EPB41L2: variants seen among roughly 807,000 people sequenced by gnomAD.
EPB41L2 encodes erythrocyte membrane protein band 4.1 like 2, also known as band 4.1-like protein 2.
Under a neutral mutation model 113.0 loss-of-function variants are expected in EPB41L2, and 43 were observed. The observed-to-expected ratio is 0.38, with a 90% CI of 0.30 to 0.49. EPB41L2 has a LOEUF of 0.49. Among genes scored for constraint, EPB41L2 ranks in the 20% least tolerant of loss-of-function variants. The probability of loss-of-function intolerance (pLI) is 0.95; values close to 1 mark genes in which losing one functional copy is unlikely to be tolerated. For synonymous variants in EPB41L2, 442 were observed against 436.7 expected, an observed-to-expected ratio of 1.01 and a Z score of -0.15; for missense variants, 1,147 against 1,223.4, an observed-to-expected ratio of 0.94 and a Z score of 0.93.
intron 1 of EPB41L2, among the ~76,000 whole-genome samples, chr6:130,981,028 A>T (rs1779273136): frequency 6.6e-6 from 1 of 152,186 alleles, no homozygotes; most frequent in African/African-American, 2.4e-5. Context: ...AAAGGAAAAA[A>T]ACTAAGGAGA....
chr6:130,989,711 G>A (rs571402213), intron 1 of EPB41L2, among the ~76,000 whole-genome samples: 25 of 152,270 alleles, frequency 1.6e-4, no homozygotes, highest in Non-Finnish European at 2.6e-4. Flanking sequence ...TGTTTTCTTC[G>A]TTATCAAAAT....
chr6:130,960,370 A>G (rs760875460), intron 1 of EPB41L2, among the ~76,000 whole-genome samples: 2 of 152,252 alleles, frequency 1.3e-5, no homozygotes, highest in African/African-American at 4.8e-5. Flanking sequence ...TTAAATAACA[A>G]AGAAAATCCC....
At chr6:130,913,037 T>C (rs975659799) in intron 4 of EPB41L2, among the ~76,000 whole-genome samples, 2 of 152,182 alleles carry the variant, frequency 1.3e-5, no homozygotes, top group South Asian at 4.2e-4. Context: ...AGGACCCTTC[T>C]CTGTTCCAGA....
At chr6:130,957,981 A>T (rs1184550526) in intron 1 of EPB41L2, among the ~76,000 whole-genome samples, 1 of 152,262 alleles carries the variant, frequency 6.6e-6, no homozygotes, top group African/African-American at 2.4e-5. Flanking sequence ...AAAATAACTT[A>T]AAAATGTTTT....
intron 1 of EPB41L2, among the ~76,000 whole-genome samples, chr6:131,057,405 G>A (rs574277530): frequency 6.6e-6 from 1 of 152,298 alleles, no homozygotes; most frequent in Admixed American, 6.5e-5. Flanking sequence ...AATCTAGGGT[G>A]AAAAACAAGT....
At chr6:130,866,557 T>C (rs575205071) in intron 16 of EPB41L2, among the ~76,000 whole-genome samples, 1 of 152,334 alleles carries the variant, frequency 6.6e-6, no homozygotes, top group South Asian at 2.1e-4. Context: ...TATTTGTGCT[T>C]ATGTGGGATC....
At chr6:130,924,400 T>G (rs1384854327) in intron 4 of EPB41L2, among the ~76,000 whole-genome samples, 1 of 151,264 alleles carries the variant, frequency 6.6e-6, no homozygotes, top group Non-Finnish European at 1.5e-5. Context: ...TTTTTTGAGA[T>G]GCAGTTTCGC....
At chr6:130,945,648 T>G (rs1026350605) in intron 3 of EPB41L2, among the ~76,000 whole-genome samples, 2 of 152,192 alleles carry the variant, frequency 1.3e-5, no homozygotes, top group African/African-American at 2.4e-5. Flanking sequence ...ACTTATCAGT[T>G]GTAGTAAAAC....
At chr6:130,958,314 T>TCCAC (rs1818156482) in intron 1 of EPB41L2, among the ~76,000 whole-genome samples, 15 of 151,862 alleles carry the variant, frequency 9.9e-5, no homozygotes, top group Non-Finnish European at 1.0e-4. Context: ...TAGCTGAGCG[T>TCCAC]GGTGGCACGT....
chr6:130,865,502 C>T (rs1332831490), intron 17 of EPB41L2, 34 bp downstream of exon 17: 14 of 1,586,306 alleles, frequency 8.8e-6, no homozygotes, highest in African/African-American at 5.4e-5. Flanking sequence ...TGTAATGTAC[C>T]ATCCTCTCCA....
intron 1 of EPB41L2, among the ~76,000 whole-genome samples, chr6:131,044,025 T>C (rs1584743738): frequency 6.8e-6 from 1 of 147,870 alleles, no homozygotes; most frequent in African/African-American, 2.5e-5. Context: ...AATGCTTTTT[T>C]TTTTTTTTTT....
At chr6:130,917,043 ACTCCTCCC>A (rs563642989) in intron 4 of EPB41L2, among the ~76,000 whole-genome samples, 21 of 151,604 alleles carry the variant, frequency 1.4e-4, no homozygotes, top group South Asian at 8.3e-4. Flanking sequence ...GTTCCTTTGA[ACTCCTCCC>A]CATCACAATA....
At chr6:130,942,521 G>T (rs1811208999) in intron 3 of EPB41L2, among the ~76,000 whole-genome samples, 1 of 152,210 alleles carries the variant, frequency 6.6e-6, no homozygotes, top group African/African-American at 2.4e-5. Flanking sequence ...GATAATTGTT[G>T]TTGCATGAGA....
At chr6:130,957,563 G>A (rs1817852935) in intron 1 of EPB41L2, among the ~76,000 whole-genome samples, 2 of 151,326 alleles carry the variant, frequency 1.3e-5, no homozygotes. Flanking sequence ...GGGAGTCTGA[G>A]ACAAGAAACA....
intron 1 of EPB41L2, among the ~76,000 whole-genome samples, chr6:131,037,280 A>G (rs1793522708): frequency 6.6e-6 from 1 of 152,220 alleles, no homozygotes; most frequent in Non-Finnish European, 1.5e-5. Context: ...AAAAATTTAT[A>G]TAAGCGGAGA....
rs905751075 is a variant in EPB41L2, at chr6:130,885,234, C to T, written c.1695G>A (p.Lys565=). Residue 565 remains lysine, a synonymous_variant, in exon 12 of 20, where the codon AAG becomes AAA. Transcript: ENST00000337057. ...PIGVMDQSLM[K]DFPGAAGEIS... The stretch of plus-strand genomic sequence containing the variant: ...TCTCCCCAGCAGCGCCAGGAAAATC[C>T]TTCATAAGACTTTGGTCCATGACAC... The T allele has an allele frequency of 6.2e-7, 1 of 1,614,090 alleles. No individual in the cohort carries two copies. Among genetic ancestry groups the T allele is most frequent in the Non-Finnish European group, 8.5e-7 (1 of 1,180,006 alleles).
chr6:131,040,429 A>C (rs1021251691), intron 1 of EPB41L2, among the ~76,000 whole-genome samples: 1 of 151,964 alleles, frequency 6.6e-6, no homozygotes, highest in Admixed American at 6.6e-5. Flanking sequence ...ACAGAACGAG[A>C]CTCTGTCTCC....
At chr6:131,060,692 A>C (rs1024374226) in intron 1 of EPB41L2, among the ~76,000 whole-genome samples, 1 of 152,240 alleles carries the variant, frequency 6.6e-6, no homozygotes, top group Non-Finnish European at 1.5e-5. Flanking sequence ...GCAGTCAGTA[A>C]ATCGTTAAGA....
Position 131,016,790 on chromosome 6 carries a change from A to T in EPB41L2, c.-15+46365T>A, listed in dbSNP as rs182173535. ...ATGCCACTGAACTCCAGCCTGGGTG[A>T]CATAGGGAGACTCTCTGTCTCTAAA... On this transcript the variant is annotated intron_variant, in intron 1 of 19. Transcript: ENST00000337057. 2.6e-3 allele frequency among the ~76,000 whole-genome samples: 399 copies of T among 151,864 alleles called. 1 individual carries two copies. Among genetic ancestry groups the T allele is most frequent in the Non-Finnish European group, 4.5e-3 (306 of 67,966 alleles).
Sources: allele counts gnomAD v4.1 joint callset (sites outside exome capture counted in the v4.1 genomes callset), GRCh38; gene constraint gnomAD v4.1.1; transcripts MANE v1.5; gene names NCBI Gene and HGNC (gene_info 2026-07-23, HGNC 2026-07-21).